The following CHD7 variants were observed in gnomAD, a reference collection of about 807,000 sequenced individuals.
The protein encoded by CHD7 is chromodomain helicase DNA binding protein 7.
In CHD7, 24 loss-of-function variants were observed where a neutral mutation model predicts 307.3. That is an observed-to-expected ratio of 0.08 (90% CI 0.06 to 0.11). The LOEUF is 0.11. CHD7 is among the 10% of genes least tolerant of loss of function. The pLI is 1.00. For missense variants in CHD7, 3,106 were observed against 3,727.1 expected, an observed-to-expected ratio of 0.83 and a Z score of 4.34; for synonymous variants, 1,363 against 1,349.9, an observed-to-expected ratio of 1.01 and a Z score of -0.21.
chr8:60,704,147 A>G (rs1806901303), intron 1 of CHD7, among the ~76,000 whole-genome samples: 1 of 152,124 alleles, frequency 6.6e-6, no homozygotes, highest in Non-Finnish European at 1.5e-5. Context: ...CTCATGTCAT[A>G]TATTTTGTCT....
rs976947564 is a variant in CHD7 at position 60,679,511 on chromosome 8, G to C, written c.-175+429G>C. ...AGCGCGAGCGCGTTTCCTCCCGCCG[G>C]CGCCGAGCACGAGTTGCCGGCTCCA... On this transcript the variant is annotated intron_variant, in intron 1 of 37. Transcript: ENST00000423902. 2.0e-5 allele frequency: 3 copies of C among 147,516 alleles called. No homozygotes were observed. The East Asian group carries it at 5.9e-4, about 29-fold the overall frequency. 9.1% of individuals were successfully genotyped at this position (147,516 alleles called of 1,614,324 possible).
intron 17 of CHD7, among the ~76,000 whole-genome samples, chr8:60,837,250 A>G (rs915052586): frequency 9.2e-5 from 14 of 152,212 alleles, no homozygotes. Context: ...GGGTCTTAGA[A>G]CTGGCAGATG....
chr8:60,747,260 T>A (rs1809377991), intron 2 of CHD7, among the ~76,000 whole-genome samples: 1 of 151,602 alleles, frequency 6.6e-6, no homozygotes, highest in African/African-American at 2.4e-5. Flanking sequence ...GTATTTTTAG[T>A]AGAGATGGGG....
At chr8:60,760,929 T>A (rs185563506) in intron 2 of CHD7, among the ~76,000 whole-genome samples, 2 of 152,196 alleles carry the variant, frequency 1.3e-5, no homozygotes, top group African/African-American at 4.8e-5. Context: ...GGAAGGTCAG[T>A]GTGGCGATTC....
chr8:60,823,694 A>G, intron 12 of CHD7, 146 bp from the exon 13 acceptor site: 2 of 721,014 alleles, frequency 2.8e-6, no homozygotes, highest in Non-Finnish European at 4.5e-6. Flanking sequence ...TAAAACTGCC[A>G]AAATAACTTG....
chr8:60,852,004 T>C lies in CHD7; in HGVS notation c.5666-15T>C. ...TGCAGCTACACATTTCAAAAATGTT[T>C]TTCCACTTCCCCAGGCAAGCACAGT... On this transcript the variant is annotated splice_polypyrimidine_tract_variant and intron_variant, in intron 28 of 37. Transcript: ENST00000423902. The C allele has an allele frequency of 6.3e-7, 1 of 1,580,680 alleles. No homozygotes were observed. Among genetic ancestry groups the C allele is most frequent in the Non-Finnish European group, 8.6e-7 (1 of 1,157,634 alleles).
At chr8:60,799,039 A>G (rs1216334097) in intron 4 of CHD7, among the ~76,000 whole-genome samples, 1 of 152,218 alleles carries the variant, frequency 6.6e-6, no homozygotes, top group African/African-American at 2.4e-5. Flanking sequence ...AGCCATGTAC[A>G]TATACATTCA....
intron 1 of CHD7, among the ~76,000 whole-genome samples, chr8:60,717,960 T>TG (rs1491224869): frequency 1.9e-5 from 2 of 102,952 alleles, no homozygotes; most frequent in Non-Finnish European, 5.1e-5. Flanking sequence ...CCTTCTACCA[T>TG]TTTTTTTTAA....
intron 2 of CHD7, among the ~76,000 whole-genome samples, chr8:60,752,270 T>C (rs1809677345): frequency 6.6e-6 from 1 of 152,140 alleles, no homozygotes; most frequent in Admixed American, 6.6e-5. Context: ...GTAGAAAGCA[T>C]TGGAGAATAT....
chr8:60,724,160 G>C (rs796735248), intron 1 of CHD7, among the ~76,000 whole-genome samples: 1 of 152,212 alleles, frequency 6.6e-6, no homozygotes, highest in Admixed American at 6.5e-5. Flanking sequence ...TTCGTCGGGG[G>C]TTTGCTCCAC....
At chr8:60,768,063 AT>A (rs1439695695) in intron 2 of CHD7, among the ~76,000 whole-genome samples, 1 of 152,130 alleles carries the variant, frequency 6.6e-6, no homozygotes, top group Non-Finnish European at 1.5e-5. Context: ...ATTTTATTTT[AT>A]TCTGGCATTT....
chr8:60,777,168 T>A (rs1810991803), intron 2 of CHD7, among the ~76,000 whole-genome samples: 1 of 152,248 alleles, frequency 6.6e-6, no homozygotes, highest in Non-Finnish European at 1.5e-5. Context: ...TGGTACCATC[T>A]TTTCTTTTCC....
intron 1 of CHD7, among the ~76,000 whole-genome samples, chr8:60,703,242 A>G (rs955853243): frequency 6.6e-6 from 1 of 152,196 alleles, no homozygotes; most frequent in African/African-American, 2.4e-5. Flanking sequence ...AATGTTACGC[A>G]TCCATCACCA....
intron 6 of CHD7, among the ~76,000 whole-genome samples, chr8:60,802,613 A>G (rs769747103): frequency 6.6e-6 from 1 of 152,178 alleles, no homozygotes; most frequent in African/African-American, 2.4e-5. Context: ...TGGGCTCCCA[A>G]ACTGCTGGGA....
In CHD7 at chr8:60,852,832, C is replaced by T. The variant is rs369543203; in HGVS notation, c.6107C>T (p.Pro2036Leu). Residue 2036 changes from proline to leucine, a missense_variant, in exon 31 of 38, where the codon CCG becomes CTG. Physicochemically the swap from Pro to Leu is moderately conservative, Grantham distance 98. This residue lies in a region of CHD7 where 1,030 missense variants were observed against 1,165.4 expected (regional missense o/e 0.88). Coordinates refer to ENST00000423902, the MANE Select transcript of CHD7 (RefSeq NM_017780.4). Reference protein sequence around the residue: ...CRMPVKPDDEPPDLSSIIEPI... With the variant: ...CRMPVKPDDELPDLSSIIEPI... ...TATGAGCCCTTCTGTGTTACAGAAC[C>T]GCCCGACCTCTCCTCCATAATTGAG... The T allele has an allele frequency of 3.0e-5, 48 of 1,611,488 alleles. No individual in the cohort carries two copies. In the East Asian group the frequency reaches 5.1e-4, roughly 17 times the overall value.
Position 60,801,514 on chromosome 8 carries a change from G to A in CHD7, c.2377-14G>A. 3 of 1,554,734 alleles carry A rather than the reference G, an allele frequency of 1.9e-6. No individual in the cohort carries two copies. The highest frequency in any genetic ancestry group is 1.7e-6 in the Non-Finnish European group (2 of 1,145,304). ...GTTTTCTATTTGGATTGATGCACATGCCTTTTTTTTTAGGAATCTGTTGAT... is the reference window on the plus strand; with the variant it reads ...GTTTTCTATTTGGATTGATGCACATACCTTTTTTTTTAGGAATCTGTTGAT... On this transcript the variant is annotated splice_polypyrimidine_tract_variant and intron_variant, in intron 5 of 37. Transcript: ENST00000423902.
At chr8:60,773,655 T>C (rs1425381075) in intron 2 of CHD7, among the ~76,000 whole-genome samples, 1 of 152,016 alleles carries the variant, frequency 6.6e-6, no homozygotes, top group Non-Finnish European at 1.5e-5. Context: ...TAGTAGATGG[T>C]GATTTGGGGT....
chr8:60,854,876 C>G (rs1259302442), intron 32 of CHD7, among the ~76,000 whole-genome samples: 1 of 152,116 alleles, frequency 6.6e-6, no homozygotes, highest in East Asian at 1.9e-4. Context: ...GAAATAAAGC[C>G]TTCAGATTTA....
chr8:60,751,770 G>T (rs551950796), intron 2 of CHD7, among the ~76,000 whole-genome samples: 1 of 152,338 alleles, frequency 6.6e-6, no homozygotes, highest in South Asian at 2.1e-4. Context: ...GACTGCAGGA[G>T]TGGTGGAGGG....
Sources: gnomAD v4.1 joint callset for allele counts (sites outside exome capture counted in the v4.1 genomes callset) on GRCh38, gnomAD v4.1.1 for gene constraint, gnomAD v4.1.1 regional missense constraint, MANE v1.5 for transcripts, NCBI Gene and HGNC (gene_info 2026-07-23, HGNC 2026-07-21) for gene names.